Variants in AGBL4 observed in about 807,000 individuals in gnomAD.
The protein encoded by AGBL4 is AGBL carboxypeptidase 4.
Under a neutral mutation model 66.4 loss-of-function variants are expected in AGBL4, and 58 were observed. The observed-to-expected ratio is 0.87, with a 90% CI of 0.71 to 1.09. The LOEUF is 1.09. AGBL4 is among the 50% of genes least tolerant of loss of function. AGBL4 has a pLI of 0.00. For synonymous variants in AGBL4, 234 were observed against 222.9 expected (o/e 1.05, Z -0.44); for missense variants, 579 against 631.0 (o/e 0.92, Z 0.88).
chr1:49,587,210 C>T (rs888522782), intron 3 of AGBL4, among the ~76,000 whole-genome samples: 10 of 151,076 alleles, frequency 6.6e-5, no homozygotes, highest in African/African-American at 2.4e-4. Flanking sequence ...TATGCCATTG[C>T]ACTCCAGCCT....
chr1:49,205,590 G>C (rs1047853628), intron 4 of AGBL4, among the ~76,000 whole-genome samples: 2 of 152,046 alleles, frequency 1.3e-5, no homozygotes, highest in African/African-American at 4.8e-5. Flanking sequence ...TAGACCAGGA[G>C]TCAAAAGACT....
At chr1:49,420,231 T>C (rs542528955) in intron 3 of AGBL4, among the ~76,000 whole-genome samples, 1 of 152,182 alleles carries the variant, frequency 6.6e-6, no homozygotes, top group Admixed American at 6.5e-5. Flanking sequence ...AGGCATGACA[T>C]GTGAAGTCAG....
intron 3 of AGBL4, among the ~76,000 whole-genome samples, chr1:49,580,311 G>A (rs1260665856): frequency 6.6e-6 from 1 of 152,100 alleles, no homozygotes; most frequent in Non-Finnish European, 1.5e-5. Flanking sequence ...ATATATTTAT[G>A]TTCAAGGTTA....
rs566450715 is a variant in AGBL4 at position 49,692,627 on chromosome 1, A to G, written c.282+4686T>C. Among the ~76,000 whole-genome samples the G allele has an allele frequency of 2.6e-5, 4 of 152,036 alleles. No homozygotes were observed. In the South Asian group the frequency reaches 8.3e-4, roughly 32 times the overall value. On this transcript the variant is annotated intron_variant, in intron 3 of 13. Coordinates refer to ENST00000371839, the MANE Select transcript of AGBL4 (RefSeq NM_032785.4). The stretch of plus-strand genomic sequence containing the variant: ...GAGCTGCTCAGGAGGATGAGGCAGG[A>G]GAATGGCGTGAAACTGGGAGGCGGA...
chr1:49,579,575 C>T (rs1038101918), intron 3 of AGBL4, among the ~76,000 whole-genome samples: 1 of 152,182 alleles, frequency 6.6e-6, no homozygotes, highest in Non-Finnish European at 1.5e-5. Flanking sequence ...TCTTGGCTCA[C>T]TGCAAGCTCC....
intron 4 of AGBL4, among the ~76,000 whole-genome samples, chr1:49,192,043 A>G (rs1647130220): frequency 6.6e-6 from 1 of 152,184 alleles, no homozygotes; most frequent in African/African-American, 2.4e-5. Context: ...ACCACTTTGC[A>G]CAATTGCTGT....
chr1:50,016,771 T>G (rs1467657110), intron 1 of AGBL4, among the ~76,000 whole-genome samples: 1 of 152,136 alleles, frequency 6.6e-6, no homozygotes, highest in Non-Finnish European at 1.5e-5. Context: ...GAATGGCTAT[T>G]ACTAAAAAGT....
At chr1:49,610,795 C>G (rs2124228336) in intron 3 of AGBL4, among the ~76,000 whole-genome samples, 1 of 152,224 alleles carries the variant, frequency 6.6e-6, no homozygotes, top group South Asian at 2.1e-4. Flanking sequence ...ATGACCCAGT[C>G]TAAGATATTT....
intron 4 of AGBL4, among the ~76,000 whole-genome samples, chr1:49,070,967 C>T (rs559752402): frequency 6.6e-6 from 1 of 151,936 alleles, no homozygotes; most frequent in Admixed American, 6.5e-5. Context: ...CTGGTTTAGT[C>T]TTGGGAGGGT....
chr1:48,954,586 T>G (rs1353240756), intron 5 of AGBL4, among the ~76,000 whole-genome samples: 1 of 152,202 alleles, frequency 6.6e-6, no homozygotes, highest in Non-Finnish European at 1.5e-5. Context: ...AGCATGAGGT[T>G]ATTATTATTA....
intron 4 of AGBL4, among the ~76,000 whole-genome samples, chr1:49,237,476 A>C (rs1467071262): frequency 2.4e-5 from 3 of 122,510 alleles, no homozygotes; most frequent in African/African-American, 8.8e-5. Context: ...AAACAGACTA[A>C]TAGAGTCACT....
intron 3 of AGBL4, among the ~76,000 whole-genome samples, chr1:49,635,307 G>C (rs1645650450): frequency 6.6e-6 from 1 of 151,994 alleles, no homozygotes; most frequent in African/African-American, 2.4e-5. Flanking sequence ...GAAAAACAAA[G>C]GCAAGCATTC....
intron 3 of AGBL4, among the ~76,000 whole-genome samples, chr1:49,665,516 T>TGGCA: frequency 6.6e-6 from 1 of 152,276 alleles, no homozygotes; most frequent in East Asian, 1.9e-4. Context: ...GTACAATGTG[T>TGGCA]GGCATATGGT....
At chr1:49,626,458 C>A (rs918949330) in intron 3 of AGBL4, among the ~76,000 whole-genome samples, 1 of 152,106 alleles carries the variant, frequency 6.6e-6, no homozygotes, top group African/African-American at 2.4e-5. Context: ...AAACTCATAT[C>A]TAGAATAGAT....
chr1:48,975,158 T>C (rs1659215385), intron 5 of AGBL4, among the ~76,000 whole-genome samples: 1 of 152,180 alleles, frequency 6.6e-6, no homozygotes, highest in Admixed American at 6.6e-5. Flanking sequence ...TGGGGCATAT[T>C]GGAATATCCC....
intron 1 of AGBL4, among the ~76,000 whole-genome samples, chr1:50,007,319 C>T (rs906253030): frequency 6.6e-6 from 1 of 152,012 alleles, no homozygotes; most frequent in Non-Finnish European, 1.5e-5. Context: ...AAGAAGACCA[C>T]AAAACAATCA....
chr1:48,534,859 C>CG (rs1557767826), intron 13 of AGBL4, 31 bp downstream of exon 13: 1 of 1,548,526 alleles, frequency 6.5e-7, no homozygotes. Context: ...ATGTTACTTA[C>CG]GGGCAATGTC....
At chr1:48,826,901 C>T (rs771029315) in intron 6 of AGBL4, among the ~76,000 whole-genome samples, 11 of 152,110 alleles carry the variant, frequency 7.2e-5, no homozygotes, top group East Asian at 3.9e-4. Flanking sequence ...CCCCATGCCC[C>T]GGAGTCTGCT....
Position 48,867,247 on chromosome 1 carries a change from A to G in AGBL4, c.595-17T>C, listed in dbSNP as rs751541035. ...TCGTTGTTGCTGCAAAAGAAAACAC[A>G]CTGTGAGGGCACTGATTTGAGCCAG... On this transcript the variant is annotated splice_polypyrimidine_tract_variant and intron_variant, in intron 5 of 13. Coordinates refer to ENST00000371839, the MANE Select transcript of AGBL4 (RefSeq NM_032785.4). 2.5e-6 allele frequency: 4 copies of G among 1,613,092 alleles called. No homozygotes were observed. In the Admixed American group the frequency reaches 5.0e-5, roughly 20 times the overall value.
Sources: allele counts gnomAD v4.1 joint callset (sites outside exome capture counted in the v4.1 genomes callset), GRCh38; gene constraint gnomAD v4.1.1; transcripts MANE v1.5; gene names NCBI Gene and HGNC (gene_info 2026-07-23, HGNC 2026-07-21).